TNFAIP8: variants seen among roughly 807,000 people sequenced by gnomAD.
TNFAIP8 encodes TNF alpha induced protein 8, also known as tumor necrosis factor alpha-induced protein 8.
TNFAIP8 carries 7 observed loss-of-function variants against 13.3 expected under a neutral mutation model. That is an observed-to-expected ratio of 0.52 (90% CI 0.30 to 0.99). TNFAIP8 has a LOEUF of 0.99. Ranked by LOEUF, TNFAIP8 falls within the 50% of genes least tolerant of loss-of-function variation. The probability of loss-of-function intolerance (pLI) is 0.07; values close to 1 mark genes in which losing one functional copy is unlikely to be tolerated. For synonymous variants in TNFAIP8, 94 were observed against 87.6 expected (o/e 1.07, Z -0.41); for missense variants, 258 against 236.9 (o/e 1.09, Z -0.58).
chr5:119,314,345 C>T (rs1749822559), intron 1 of TNFAIP8, among the ~76,000 whole-genome samples: 1 of 152,246 alleles, frequency 6.6e-6, no homozygotes, highest in South Asian at 2.1e-4. Flanking sequence ...TTGGAACTTA[C>T]AAACTAGTGG....
At chr5:119,301,462 C>T (rs748464015) in intron 1 of TNFAIP8, among the ~76,000 whole-genome samples, 17 of 152,196 alleles carry the variant, frequency 1.1e-4, no homozygotes, top group Admixed American at 1.1e-3. Context: ...TCAGCAGCAG[C>T]AGCTGCTTCT....
At chr5:119,332,435 A>G (rs1276999221) in intron 1 of TNFAIP8, among the ~76,000 whole-genome samples, 1 of 152,178 alleles carries the variant, frequency 6.6e-6, no homozygotes, top group African/African-American at 2.4e-5. Context: ...CAGACCTTGG[A>G]GAGTTTGTCC....
intron 1 of TNFAIP8, among the ~76,000 whole-genome samples, chr5:119,271,186 T>A (rs1000284705): frequency 2.0e-5 from 3 of 152,178 alleles, no homozygotes; most frequent in African/African-American, 7.2e-5. Context: ...CAATTCTCAT[T>A]CTGTTGAAAT....
At position 119,312,439 on chromosome 5, in the gene TNFAIP8, T is replaced by C. The variant is rs184564985; in HGVS notation, c.1+43532T>C. Among the ~76,000 whole-genome samples, 330 of 152,344 alleles carry C rather than the reference T, an allele frequency of 2.2e-3. 3 individuals carry two copies. The highest frequency in any genetic ancestry group is 7.3e-3 in the African/African-American group (305 of 41,592). On this transcript the variant is annotated intron_variant, in intron 1 of 1. Coordinates refer to the TNFAIP8 transcript ENST00000274456. ...TGCTCACCATATTTTAATTTTTACA[T>C]AGAACATGTCTTACTTTTTCATTAG...
At chr5:119,341,208 A>T (rs1302297079) in intron 1 of TNFAIP8, among the ~76,000 whole-genome samples, 1 of 151,338 alleles carries the variant, frequency 6.6e-6, no homozygotes, top group Admixed American at 6.6e-5. Flanking sequence ...CAGCACCAGA[A>T]CTCCACCTAA....
At chr5:119,366,881 C>T (rs898385413) in intron 1 of TNFAIP8, among the ~76,000 whole-genome samples, 1 of 152,172 alleles carries the variant, frequency 6.6e-6, no homozygotes, top group Admixed American at 6.5e-5. Context: ...ACATTCCTGT[C>T]CTTGCCACCT....
intron 1 of TNFAIP8, among the ~76,000 whole-genome samples, chr5:119,348,132 C>T (rs984192341): frequency 7.9e-5 from 12 of 152,162 alleles, no homozygotes; most frequent in African/African-American, 2.9e-4. Flanking sequence ...TTGGAGTGAG[C>T]ACACTGAGGA....
Position 119,328,106 on chromosome 5 carries a change from C to T in TNFAIP8, c.1+59199C>T, listed in dbSNP as rs149966383. Among the ~76,000 whole-genome samples the T allele has an allele frequency of 2.0e-4, 30 of 152,288 alleles. No individual in the cohort carries two copies. The East Asian group carries it at 5.8e-3, about 29-fold the overall frequency. ...TGAAATGGCTTCCAGGGAAGAACCT[C>T]AGCAGTTTATAAACATTTTAAAATA... is the stretch of plus-strand genomic sequence containing the variant. On this transcript the variant is annotated intron_variant, in intron 1 of 1. Coordinates refer to the TNFAIP8 transcript ENST00000274456.
intron 1 of TNFAIP8, among the ~76,000 whole-genome samples, chr5:119,360,719 G>A (rs555256249): frequency 6.6e-6 from 1 of 152,140 alleles, no homozygotes; most frequent in South Asian, 2.1e-4. Flanking sequence ...CTGGGTATTT[G>A]TATGCACTCT....
chr5:119,324,667 C>G (rs1750165225), intron 1 of TNFAIP8, among the ~76,000 whole-genome samples: 1 of 151,760 alleles, frequency 6.6e-6, no homozygotes, highest in South Asian at 2.1e-4. Context: ...TTTTTGAAAC[C>G]TTTTTTCCTT....
At chr5:119,292,751 A>G (rs1749039031) in intron 1 of TNFAIP8, among the ~76,000 whole-genome samples, 1 of 143,470 alleles carries the variant, frequency 7.0e-6, no homozygotes, top group African/African-American at 2.5e-5. Context: ...CTGCTACAGC[A>G]TGGGTGAATC....
At chr5:119,305,012 C>A (rs1581588919) in intron 1 of TNFAIP8, among the ~76,000 whole-genome samples, 1 of 152,048 alleles carries the variant, frequency 6.6e-6, no homozygotes, top group African/African-American at 2.4e-5. Flanking sequence ...ATACCACATT[C>A]CTGGGAGGGA....
At chr5:119,328,728 A>G (rs1222227239) in intron 1 of TNFAIP8, among the ~76,000 whole-genome samples, 1 of 152,238 alleles carries the variant, frequency 6.6e-6, no homozygotes, top group Non-Finnish European at 1.5e-5. Context: ...TTCCCTTATT[A>G]GCCAGAATTT....
rs368012065 is a variant in TNFAIP8 at position 119,312,626 on chromosome 5, C to T, written c.1+43719C>T. ...TAGGAAATAAGAATGTAGCTGGGCT[C>T]GGTGGCTCACGTGTGAAATCCCAGC... On this transcript the variant is annotated intron_variant, in intron 1 of 1. Coordinates refer to the TNFAIP8 transcript ENST00000274456. Among the ~76,000 whole-genome samples, 12 of 150,298 alleles carry T rather than the reference C, an allele frequency of 8.0e-5. No homozygotes were observed. In the South Asian group the frequency reaches 8.5e-4, roughly 11 times the overall value.
At chr5:119,304,182 G>T (rs1749482981) in intron 1 of TNFAIP8, among the ~76,000 whole-genome samples, 1 of 152,022 alleles carries the variant, frequency 6.6e-6, no homozygotes, top group Non-Finnish European at 1.5e-5. Context: ...GTAGTGGCAT[G>T]ATCATAGCTC....
intron 1 of TNFAIP8, among the ~76,000 whole-genome samples, chr5:119,388,837 T>G: frequency 6.7e-6 from 1 of 149,374 alleles, no homozygotes; most frequent in African/African-American, 2.5e-5. Context: ...AGAGACAGGG[T>G]CTTGCTATGT....
chr5:119,393,694 G>A lies in TNFAIP8; in HGVS notation c.*313G>A, dbSNP rs1165505955. The stretch of plus-strand genomic sequence containing the variant: ...GACCTGAGGACTTTTTAATAGGGCA[G>A]TTGTTGTGTTGGTGGCACATTGGAT... On this transcript the variant is annotated 3_prime_UTR_variant, in exon 2 of 2. Coordinates refer to ENST00000504771, the MANE Select transcript of TNFAIP8 (RefSeq NM_014350.4). 2 of 268,030 alleles carry A rather than the reference G, an allele frequency of 7.5e-6. No individual in the cohort carries two copies. The highest frequency in any genetic ancestry group is 1.4e-5 in the Non-Finnish European group (2 of 140,088). 16.6% of individuals were successfully genotyped at this position (268,030 alleles called of 1,614,324 possible).
At chr5:119,293,504 G>A (rs775669086) in intron 1 of TNFAIP8, among the ~76,000 whole-genome samples, 9 of 152,122 alleles carry the variant, frequency 5.9e-5, no homozygotes, top group Non-Finnish European at 1.2e-4. Flanking sequence ...GTTCATCCAT[G>A]TTGTCATAAA....
At chr5:119,285,916 G>A (rs1007568974) in intron 1 of TNFAIP8, among the ~76,000 whole-genome samples, 1 of 152,012 alleles carries the variant, frequency 6.6e-6, no homozygotes, top group African/African-American at 2.4e-5. Flanking sequence ...ACAAAATACT[G>A]ATCTCATTAT....
Sources: gnomAD v4.1 joint callset for allele counts (sites outside exome capture counted in the v4.1 genomes callset) on GRCh38, gnomAD v4.1.1 for gene constraint, MANE v1.5 for transcripts, NCBI Gene and HGNC (gene_info 2026-07-23, HGNC 2026-07-21) for gene names.